Variants in SLC22A2 observed in about 807,000 individuals in gnomAD.
SLC22A2 encodes solute carrier family 22 member 2, also known as organic cation transporter 2.
SLC22A2 carries 46 observed loss-of-function variants against 60.5 expected under a neutral mutation model. The observed-to-expected ratio is 0.76, with a 90% CI of 0.60 to 0.97. The LOEUF is 0.97. SLC22A2 is among the 50% of genes least tolerant of loss of function. SLC22A2 has a pLI of 0.00. For missense variants in SLC22A2, 701 were observed against 706.6 expected (o/e 0.99, Z 0.09); for synonymous variants, 303 against 267.0 (o/e 1.13, Z -1.31).
intron 7 of SLC22A2, 52 bp from the exon 8 acceptor site, chr6:160,242,454 C>T: frequency 9.8e-7 from 1 of 1,018,686 alleles, no homozygotes; most frequent in South Asian, 1.3e-5. Context: ...TCCTCATCTT[C>T]AGACAGTGCT....
Position 160,224,820 on chromosome 6 carries a change from A to T in SLC22A2, c.1502-16T>A, listed in dbSNP as rs1218472704. On this transcript the variant is annotated splice_polypyrimidine_tract_variant and intron_variant, in intron 9 of 10. Transcript: ENST00000366953. ...CCAAGCACGCCTGAAAGCCAAACAGATGAATATCACATTAAGAACTGAAAA... is the reference window on the plus strand; with the variant it reads ...CCAAGCACGCCTGAAAGCCAAACAGTTGAATATCACATTAAGAACTGAAAA... The T allele has an allele frequency of 4.1e-6, 6 of 1,455,404 alleles. No individual in the cohort carries two copies. Among genetic ancestry groups the T allele is most frequent in the Non-Finnish European group, 5.7e-6 (6 of 1,060,994 alleles). 90.2% of individuals were successfully genotyped at this position (1,455,404 alleles called of 1,614,324 possible).
In SLC22A2 at chr6:160,242,357, C is replaced by T; in HGVS notation, c.1325G>A (p.Gly442Glu). The stretch of plus-strand genomic sequence containing the variant: ...GACTATCTCATAGGCCATTGTGATC[C>T]CCATTCTTCCCAAGCATGAGATAAT... The part of the protein sequence containing the change: ...KIIISCLGRM[G>E]ITMAYEIVCL... Residue 442 changes from glycine (G) to glutamate (E), a missense_variant, in exon 8 of 11, where the codon GGG becomes GAG. Physicochemically the swap from Gly to Glu is moderately conservative, Grantham distance 98. Transcript: ENST00000366953. 6.2e-7 allele frequency: 1 copy of T among 1,609,722 alleles called. No homozygotes were observed. Among genetic ancestry groups the T allele is most frequent in the Non-Finnish European group, 8.5e-7 (1 of 1,176,056 alleles).
chr6:160,237,229 G>T (rs1309364513), intron 9 of SLC22A2, among the ~76,000 whole-genome samples: 1 of 152,134 alleles, frequency 6.6e-6, no homozygotes, highest in Non-Finnish European at 1.5e-5. Flanking sequence ...CTAATTCTGG[G>T]CTCATTGGAA....
At chr6:160,241,938 C>T (rs315991) in intron 8 of SLC22A2, among the ~76,000 whole-genome samples, 104,559 of 151,308 alleles carry the variant, frequency 0.69, 38,213 homozygotes, top group Admixed American at 0.81. Context: ...TTGTATAAAC[C>T]TTAAATTTTT....
At chr6:160,245,333 G>A (rs315996) in intron 6 of SLC22A2, 106 bp downstream of exon 6, 69,074 of 594,140 alleles carry the variant, frequency 0.12, 4,777 homozygotes, top group Admixed American at 0.15. Context: ...GCTGCCCACC[G>A]TCAGCGCTAA....
At chr6:160,254,991 T>C (rs1783246303) in intron 2 of SLC22A2, among the ~76,000 whole-genome samples, 1 of 152,186 alleles carries the variant, frequency 6.6e-6, no homozygotes, top group Admixed American at 6.5e-5. Flanking sequence ...TTAGCACCTC[T>C]ACCTGGTGGC....
At chr6:160,230,159 TC>T (rs1782795052) in intron 9 of SLC22A2, among the ~76,000 whole-genome samples, 2 of 151,644 alleles carry the variant, frequency 1.3e-5, no homozygotes, top group Admixed American at 1.3e-4. Context: ...CCGAGCTAGG[TC>T]CCAATTCTTC....
intron 1 of SLC22A2, 21 bp from the exon 2 acceptor site, chr6:160,256,738 T>A (rs750435682): frequency 3.9e-6 from 6 of 1,530,856 alleles, no homozygotes; most frequent in Non-Finnish European, 5.4e-6. Flanking sequence ...GGGAGAAGTG[T>A]TCCAAGTTGG....
chr6:160,229,532 A>G (rs1782783015), intron 9 of SLC22A2, among the ~76,000 whole-genome samples: 1 of 151,810 alleles, frequency 6.6e-6, no homozygotes, highest in African/African-American at 2.4e-5. Context: ...CTGCTCACCC[A>G]CATTGCAGCC....
chr6:160,245,342 A>T, intron 6 of SLC22A2, 97 bp downstream of exon 6: 1 of 662,720 alleles, frequency 1.5e-6, no homozygotes, highest in Non-Finnish European at 2.6e-6. Context: ...CGTCAGCGCT[A>T]ATACCGGGAT....
intron 5 of SLC22A2, among the ~76,000 whole-genome samples, chr6:160,246,265 T>C (rs1783093130): frequency 6.6e-6 from 1 of 152,026 alleles, no homozygotes; most frequent in African/African-American, 2.4e-5. Context: ...CCTCCCAAAG[T>C]GATGGCATTA....
At chr6:160,257,866 TG>T (rs1783299178) in intron 1 of SLC22A2, 1 of 153,752 alleles carries the variant, frequency 6.5e-6, no homozygotes, top group African/African-American at 2.4e-5. Flanking sequence ...TGATTTTATA[TG>T]AACACTTTGA....
At chr6:160,218,718 C>A (rs1782583286) in intron 10 of SLC22A2, among the ~76,000 whole-genome samples, 1 of 152,294 alleles carries the variant, frequency 6.6e-6, no homozygotes, top group Non-Finnish European at 1.5e-5. Flanking sequence ...GCAACAGCAG[C>A]AGCAACAATA....
At chr6:160,255,570 A>T (rs1028924399) in intron 2 of SLC22A2, among the ~76,000 whole-genome samples, 2 of 152,084 alleles carry the variant, frequency 1.3e-5, no homozygotes, top group Non-Finnish European at 2.9e-5. Flanking sequence ...TTACATGTAA[A>T]TTCATAATTA....
chr6:160,225,331 A>C (rs1247494692), intron 9 of SLC22A2, among the ~76,000 whole-genome samples: 2 of 152,204 alleles, frequency 1.3e-5, no homozygotes, highest in African/African-American at 4.8e-5. Context: ...TATAATCTTT[A>C]ATAATAAACA....
intron 9 of SLC22A2, among the ~76,000 whole-genome samples, chr6:160,230,162 C>G (rs1163590746): frequency 1.3e-5 from 2 of 151,772 alleles, no homozygotes; most frequent in Admixed American, 1.3e-4. Context: ...AGCTAGGTCC[C>G]AATTCTTCCT....
At chr6:160,250,103 C>G (rs1463281481) in intron 3 of SLC22A2, among the ~76,000 whole-genome samples, 1 of 152,184 alleles carries the variant, frequency 6.6e-6, no homozygotes, top group Non-Finnish European at 1.5e-5. Context: ...CCTAGGTTGA[C>G]TACAGTACTT....
At position 160,250,462 on chromosome 6, in the gene SLC22A2, C is replaced by A. The variant is rs192671515; in HGVS notation, c.673+86G>T. Reference sequence around the variant, plus strand: ...TCAATATTGTCTTGAAGCTGGGTCCCTTTTCTTGCATGCCGCCCCCCACCT... The same window carrying A: ...TCAATATTGTCTTGAAGCTGGGTCCATTTTCTTGCATGCCGCCCCCCACCT... On this transcript the variant is annotated intron_variant, in intron 3 of 10. Coordinates refer to ENST00000366953, the MANE Select transcript of SLC22A2 (RefSeq NM_003058.4). The A allele has an allele frequency of 3.8e-6, 5 of 1,330,842 alleles. No individual in the cohort carries two copies. In the African/African-American group the frequency reaches 5.8e-5, roughly 15 times the overall value. 82.4% of individuals were successfully genotyped at this position (1,330,842 alleles called of 1,614,324 possible). A position where few individuals can be genotyped will look rare whatever the true frequency, so the allele number is the denominator to read the frequency against.
chr6:160,240,085 C>A (rs1782973487), intron 9 of SLC22A2, among the ~76,000 whole-genome samples: 1 of 152,130 alleles, frequency 6.6e-6, no homozygotes, highest in Non-Finnish European at 1.5e-5. Flanking sequence ...ATTAAGTCAG[C>A]TTTAGGGCAT....
Sources: gnomAD v4.1 joint callset for allele counts (sites outside exome capture counted in the v4.1 genomes callset) on GRCh38, gnomAD v4.1.1 for gene constraint, MANE v1.5 for transcripts, NCBI Gene and HGNC (gene_info 2026-07-23, HGNC 2026-07-21) for gene names.